The following ARHGAP22 variants were observed in gnomAD, a reference collection of about 807,000 sequenced individuals.
ARHGAP22 encodes Rho GTPase activating protein 22.
In ARHGAP22, 48 loss-of-function variants were observed where a neutral mutation model predicts 59.1. The observed-to-expected ratio is 0.81, with a 90% CI of 0.64 to 1.03. ARHGAP22 has a LOEUF of 1.03. ARHGAP22 is among the 50% of genes least tolerant of loss of function. ARHGAP22 has a pLI of 0.00. For missense variants in ARHGAP22, 1,015 were observed against 958.7 expected, an observed-to-expected ratio of 1.06 and a Z score of -0.78; for synonymous variants, 445 against 416.4, an observed-to-expected ratio of 1.07 and a Z score of -0.84.
chr10:48,497,132 C>T (rs1219285596), intron 3 of ARHGAP22, among the ~76,000 whole-genome samples: 2 of 152,192 alleles, frequency 1.3e-5, no homozygotes, highest in African/African-American at 4.8e-5. Flanking sequence ...AGGTGGTGAT[C>T]ATGGGACCTG....
At chr10:48,431,287 G>A in the ARHGAP22 span, 1 of 1,571,854 alleles carries the variant, frequency 6.4e-7, no homozygotes, top group Non-Finnish European at 8.7e-7. Context: ...TACAATATAA[G>A]CTTGGTTAAG....
Position 48,526,481 on chromosome 10 carries a change from G to C in ARHGAP22, c.322+28982C>G, listed in dbSNP as rs77164530. On this transcript the variant is annotated intron_variant, in intron 3 of 9. Coordinates refer to ENST00000249601, the MANE Select transcript of ARHGAP22 (RefSeq NM_021226.4). ...GAGAGTAACTGAGAAAAAACAGAGA[G>C]ACCTGACTTCTGGTTGCTGCCAAGT... 1.8e-4 allele frequency among the ~76,000 whole-genome samples: 27 copies of C among 152,350 alleles called. No homozygotes were observed. The East Asian group carries it at 4.6e-3, about 26-fold the overall frequency.
chr10:48,472,524 AAAAAT>A (rs57810660), intron 4 of ARHGAP22, among the ~76,000 whole-genome samples: 4 of 150,964 alleles, frequency 2.6e-5, no homozygotes, highest in Non-Finnish European at 4.4e-5. Context: ...ACTCTGTCTC[AAAAAT>A]AAAATAAAAT....
intron 4 of ARHGAP22, 103 bp from the exon 5 acceptor site, chr10:48,459,994 C>A: frequency 8.2e-7 from 1 of 1,220,320 alleles, no homozygotes; most frequent in Non-Finnish European, 1.1e-6. Context: ...AAGGTGGCTC[C>A]TCCTCAGGAA....
intron 1 of ARHGAP22, among the ~76,000 whole-genome samples, chr10:48,597,172 G>A (rs879326422): frequency 7.2e-5 from 11 of 152,020 alleles, no homozygotes; most frequent in Admixed American, 3.3e-4. Flanking sequence ...ATAAACATGT[G>A]TCTCATGTCT....
At position 48,620,587 on chromosome 10, in the gene ARHGAP22, C is replaced by T. The variant is rs540425343; in HGVS notation, c.52+31647G>A. ...GCCTAAACTATCCAGCTCTTCTGCT[C>T]AGTTCCCAGCCTCCCAAAGCTCTGA... On this transcript the variant is annotated intron_variant, in intron 1 of 9. Transcript: ENST00000435790. Among the ~76,000 whole-genome samples the T allele has an allele frequency of 4.6e-5, 7 of 152,304 alleles. No homozygotes were observed. In the South Asian group the frequency reaches 1.2e-3, roughly 27 times the overall value.
intron 1 of ARHGAP22, among the ~76,000 whole-genome samples, chr10:48,598,643 C>T (rs1190552143): frequency 6.6e-6 from 1 of 152,240 alleles, no homozygotes; most frequent in East Asian, 1.9e-4. Flanking sequence ...CCTGCTGCCC[C>T]CACTGCAGCC....
chr10:48,502,171 G>C (rs1171703581), intron 3 of ARHGAP22, among the ~76,000 whole-genome samples: 1 of 152,186 alleles, frequency 6.6e-6, no homozygotes, highest in Non-Finnish European at 1.5e-5. Flanking sequence ...TATAATCATA[G>C]CAGAGTTTCA....
chr10:48,469,430 T>C (rs2048021595), intron 4 of ARHGAP22, among the ~76,000 whole-genome samples: 1 of 152,248 alleles, frequency 6.6e-6, no homozygotes, highest in South Asian at 2.1e-4. Flanking sequence ...CAGTTAACAG[T>C]TGGCCTCTTC....
intron 4 of ARHGAP22, among the ~76,000 whole-genome samples, chr10:48,476,573 G>C (rs1407223645): frequency 1.3e-5 from 2 of 152,238 alleles, no homozygotes; most frequent in Admixed American, 6.5e-5. Flanking sequence ...GACACGTCTG[G>C]CATCGCTAAC....
At chr10:48,474,965 T>C (rs2048575052) in intron 4 of ARHGAP22, among the ~76,000 whole-genome samples, 1 of 152,184 alleles carries the variant, frequency 6.6e-6, no homozygotes, top group African/African-American at 2.4e-5. Flanking sequence ...GTCTTCCAAC[T>C]TAAAAAAATA....
intron 2 of ARHGAP22, among the ~76,000 whole-genome samples, chr10:48,578,250 C>T (rs2058880934): frequency 6.6e-6 from 1 of 152,146 alleles, no homozygotes; most frequent in Admixed American, 6.5e-5. Context: ...AGCTTCCATG[C>T]TCTCCTTTGT....
In ARHGAP22 at chr10:48,570,677, T is replaced by C. The variant is rs2058342330; in HGVS notation, c.234+12276A>G. 3.3e-5 allele frequency among the ~76,000 whole-genome samples: 5 copies of C among 152,274 alleles called. 1 individual carries two copies. The South Asian group carries it at 1.0e-3, about 32-fold the overall frequency. On this transcript the variant is annotated intron_variant, in intron 2 of 9. Coordinates refer to ENST00000249601, the MANE Select transcript of ARHGAP22 (RefSeq NM_021226.4). ...GCAGGTGGGAAGTAGGAAGGAGGGA[T>C]TGAAGTCAGACTCTTCAGGGCTTCT...
chr10:48,595,218 A>G (rs2059998014), intron 1 of ARHGAP22, among the ~76,000 whole-genome samples: 1 of 152,216 alleles, frequency 6.6e-6, no homozygotes, highest in African/African-American at 2.4e-5. Context: ...GAAGTCAATG[A>G]GATTTTAAAG....
intron 7 of ARHGAP22, 67 bp downstream of exon 7, chr10:48,454,021 G>T: frequency 6.7e-7 from 1 of 1,499,874 alleles, no homozygotes; most frequent in Non-Finnish European, 9.3e-7. Flanking sequence ...TGCGTGTCTC[G>T]CTGTGGGGTT....
intron 8 of ARHGAP22, 150 bp downstream of exon 8, chr10:48,453,154 G>C: frequency 8.9e-7 from 1 of 1,121,532 alleles, no homozygotes; most frequent in Admixed American, 2.4e-5. Flanking sequence ...AGAAGTTCCT[G>C]CCAAGTCCCC....
At chr10:48,592,378 C>T (rs964060680) in intron 1 of ARHGAP22, among the ~76,000 whole-genome samples, 2 of 152,224 alleles carry the variant, frequency 1.3e-5, no homozygotes, top group African/African-American at 4.8e-5. Flanking sequence ...GCTCTTACCA[C>T]GTTGGCAATG....
intron 1 of ARHGAP22, among the ~76,000 whole-genome samples, chr10:48,640,813 G>T (rs117086141): frequency 0.013 from 2,047 of 152,244 alleles, 18 homozygotes; most frequent in Non-Finnish European, 0.022. Flanking sequence ...AAACATGTGG[G>T]TTAATATGAA....
chr10:48,437,415 CCTTT>C, the ARHGAP22 span: 4 of 152,030 alleles, frequency 2.6e-5, no homozygotes, highest in African/African-American at 7.3e-5. Context: ...TATGAAACCA[CCTTT>C]CTTATTCTAT....
Sources: allele counts gnomAD v4.1 joint callset (sites outside exome capture counted in the v4.1 genomes callset), GRCh38; gene constraint gnomAD v4.1.1; transcripts MANE v1.5; gene names NCBI Gene and HGNC (gene_info 2026-07-23, HGNC 2026-07-21).